Variants in TFRC observed in about 807,000 individuals in gnomAD.
TFRC encodes transferrin receptor, also known as transferrin receptor protein 1.
A neutral mutation model predicts 85.8 loss-of-function variants in TFRC; 35 were observed. The observed-to-expected ratio is 0.41, with a 90% CI of 0.31 to 0.54. The LOEUF is 0.54. TFRC is among the 20% of genes least tolerant of loss of function. The probability of loss-of-function intolerance (pLI) is 0.31; values close to 1 mark genes in which losing one functional copy is unlikely to be tolerated. For synonymous variants in TFRC, 362 were observed against 328.6 expected (o/e 1.10, Z -1.10); for missense variants, 828 against 921.5 (o/e 0.90, Z 1.31).
intron 1 of TFRC, among the ~76,000 whole-genome samples, chr3:196,080,754 T>C (rs3804139): frequency 0.48 from 73,214 of 151,116 alleles, 19,391 homozygotes; most frequent in Non-Finnish European, 0.61. Context: ...TGCTATGCTA[T>C]ATATAACCTT....
rs749862893 is a variant in TFRC, at chr3:196,064,298, T to C, written c.1318+11A>G. 6.2e-6 allele frequency: 10 copies of C among 1,603,930 alleles called. No homozygotes were observed. In the Admixed American group the frequency reaches 7.0e-5, roughly 11 times the overall value. On this transcript the variant is annotated intron_variant, in intron 11 of 18. Coordinates refer to ENST00000360110, the MANE Select transcript of TFRC (RefSeq NM_001128148.3). The stretch of plus-strand genomic sequence containing the variant: ...CACCAATATTCAAAAGAATCAAAAT[T>C]TGTACTCTACCTTTTAAGACCATAT...
At chr3:196,069,422 A>G (rs367614586) in intron 7 of TFRC, 33 bp downstream of exon 7, 19 of 1,249,134 alleles carry the variant, frequency 1.5e-5, no homozygotes, top group Non-Finnish European at 2.2e-5. Context: ...TACCAAAAGT[A>G]CTGTATTTAA....
intron 16 of TFRC, chr3:196,058,074 T>C (rs540615534): frequency 4.9e-6 from 2 of 407,492 alleles, no homozygotes; most frequent in African/African-American, 4.1e-5. Context: ...TCATCCTTGT[T>C]ATTGATCTTG....
At chr3:196,081,513 A>G (rs1397728193) in intron 1 of TFRC, among the ~76,000 whole-genome samples, 1 of 152,176 alleles carries the variant, frequency 6.6e-6, no homozygotes, top group Non-Finnish European at 1.5e-5. Flanking sequence ...TCACCCACGA[A>G]TCCCAGCCGT....
chr3:196,071,247 T>A, intron 6 of TFRC, 149 bp downstream of exon 6: 1 of 616,260 alleles, frequency 1.6e-6, no homozygotes, highest in Non-Finnish European at 2.9e-6. Flanking sequence ...AGACAATGCA[T>A]GTTGACTGTG....
Position 196,050,378 on chromosome 3 carries a change from A to G in TFRC, c.*1564T>C, listed in dbSNP as rs1716215335. ...ACCACAAAATGTTTCTGCAACTAAA[A>G]CTAAAAGATAGGGAATTATAGGAGT... On this transcript the variant is annotated 3_prime_UTR_variant, in exon 19 of 19. Transcript: ENST00000360110. The G allele has an allele frequency of 4.7e-6, 1 of 214,228 alleles. No individual in the cohort carries two copies. Among genetic ancestry groups the G allele is most frequent in the African/African-American group, 2.3e-5 (1 of 44,266 alleles). 13.3% of individuals were successfully genotyped at this position (214,228 alleles called of 1,614,324 possible). A position where few individuals can be genotyped will look rare whatever the true frequency, so the allele number is the denominator to read the frequency against.
intron 1 of TFRC, among the ~76,000 whole-genome samples, chr3:196,077,428 G>A (rs1718797972): frequency 6.6e-6 from 1 of 151,354 alleles, no homozygotes; most frequent in South Asian, 2.1e-4. Context: ...GCAATTATAA[G>A]TACGAACCAC....
intron 16 of TFRC, among the ~76,000 whole-genome samples, chr3:196,056,751 CTAATTAAGCTAATTGAGAT>C (rs1233025330): frequency 6.6e-6 from 1 of 152,148 alleles, no homozygotes; most frequent in African/African-American, 2.4e-5. Flanking sequence ...AACTCAAATG[CTAATTAAGCTAATTGAGAT>C]TAACAAGTCT....
At chr3:196,077,477 C>G (rs1051798436) in intron 1 of TFRC, among the ~76,000 whole-genome samples, 7 of 149,896 alleles carry the variant, frequency 4.7e-5, no homozygotes, top group African/African-American at 1.7e-4. Flanking sequence ...TACTGCTGGG[C>G]GGGGTGGCTC....
chr3:196,069,306 G>T, intron 7 of TFRC, 149 bp downstream of exon 7: 1 of 589,920 alleles, frequency 1.7e-6, no homozygotes, highest in East Asian at 3.1e-5. Context: ...TACTTCATTT[G>T]TTGAGCATTT....
In TFRC at chr3:196,067,656, G is replaced by A; in HGVS notation, c.902C>T (p.Ala301Val). ...GTAAGGGTCACCTGTCCCCAGATGA[G>A]CCTAGGAAAACAAAAGAGCAATTCA... is the stretch of plus-strand genomic sequence containing the variant. Reference protein sequence around the residue: ...VNAELSFFGHAHLGTGDPYTP... With the variant: ...VNAELSFFGHVHLGTGDPYTP... The change falls in exon 9 of 19, where the codon GCT becomes GTT. Residue 301 changes from alanine (A) to valine (V), a missense_variant and splice_region_variant. Ala to Val is a moderately conservative substitution (Grantham distance 64). Transcript: ENST00000360110. 1.2e-6 allele frequency: 2 copies of A among 1,612,154 alleles called. No individual in the cohort carries two copies. Among genetic ancestry groups the A allele is most frequent in the South Asian group, 2.2e-5 (2 of 90,686 alleles).
intron 10 of TFRC, among the ~76,000 whole-genome samples, chr3:196,065,125 G>A (rs1176717347): frequency 6.6e-6 from 1 of 152,072 alleles, no homozygotes; most frequent in Non-Finnish European, 1.5e-5. Context: ...AGCCAGGCGT[G>A]GTGGCGCATG....
chr3:196,055,326 T>G (rs1695658168), intron 16 of TFRC, 25 bp from the exon 17 acceptor site: 1 of 1,586,604 alleles, frequency 6.3e-7, no homozygotes, highest in Admixed American at 1.7e-5. Flanking sequence ...GAGGCTATGG[T>G]ACTCACGTGA....
chr3:196,064,124 C>T (rs953142647), intron 11 of TFRC, among the ~76,000 whole-genome samples, 185 bp downstream of exon 11: 2 of 152,162 alleles, frequency 1.3e-5, no homozygotes, highest in East Asian at 1.9e-4. Context: ...ACAGTTAAGA[C>T]ACTTTATGGA....
Position 196,072,048 on chromosome 3 carries a change from T to A in TFRC, c.539A>T (p.Lys180Ile), listed in dbSNP as rs1718255236. Residue 180 changes from lysine (K) to isoleucine (I), a missense_variant, in exon 5 of 19, where the codon AAA (lysine) becomes ATA (isoleucine). Transcript: ENST00000360110. ...AACAAAATGTTGATCACGCCAGACT[T>A]TGCTGAGTTTAAATTCACGAAATTG... ...ENQFREFKLS[K>I]VWRDQHFVKI... is the part of the protein sequence containing the mutation. The A allele has an allele frequency of 1.2e-6, 2 of 1,614,208 alleles. No individual in the cohort carries two copies. The highest frequency in any genetic ancestry group is 4.5e-5 in the East Asian group (2 of 44,878).
At chr3:196,075,587 AAG>A (rs1335857424) in intron 2 of TFRC, among the ~76,000 whole-genome samples, 1 of 150,660 alleles carries the variant, frequency 6.6e-6, no homozygotes, top group Non-Finnish European at 1.5e-5. Flanking sequence ...TTTTTGAGAC[AAG>A]GTCTCCCTCT....
chr3:196,053,613 T>C, intron 17 of TFRC, 55 bp from the exon 18 acceptor site: 2 of 1,598,476 alleles, frequency 1.3e-6, no homozygotes, highest in South Asian at 1.1e-5. Flanking sequence ...CATTCTTTTG[T>C]ATGCCTTTCT....
Position 196,055,036 on chromosome 3 carries a change from T to C in TFRC, c.1899+44A>G, listed in dbSNP as rs560213623. 2.6e-5 allele frequency: 41 copies of C among 1,574,598 alleles called. No individual in the cohort carries two copies. The South Asian group carries it at 4.3e-4, about 17-fold the overall frequency. The stretch of plus-strand genomic sequence containing the variant: ...AGGAACACATCACATTTCAAAATAC[T>C]TGACATTCAGCAAAATAAAAACGTA... On this transcript the variant is annotated intron_variant, in intron 17 of 18. Coordinates refer to ENST00000360110, the MANE Select transcript of TFRC (RefSeq NM_001128148.3).
At position 196,069,795 on chromosome 3, in the gene TFRC, T is replaced by C. The variant is rs750386737; in HGVS notation, c.688-227A>G. 4.8e-5 allele frequency: 19 copies of C among 393,490 alleles called. No individual in the cohort carries two copies. In the Admixed American group the frequency reaches 7.1e-4, roughly 15 times the overall value. 24.4% of individuals were successfully genotyped at this position (393,490 alleles called of 1,614,324 possible). A position where few individuals can be genotyped will look rare whatever the true frequency, so the allele number is the denominator to read the frequency against. Reference sequence around the variant, plus strand: ...TGGCCTCCTATGTCTTTCATGCTTTTATCCCATGCTGCCTTTCATCTGAAG... The same window carrying C: ...TGGCCTCCTATGTCTTTCATGCTTTCATCCCATGCTGCCTTTCATCTGAAG... On this transcript the variant is annotated intron_variant, in intron 6 of 18. Transcript: ENST00000360110.
Sources: allele counts gnomAD v4.1 joint callset (sites outside exome capture counted in the v4.1 genomes callset), GRCh38; gene constraint gnomAD v4.1.1; transcripts MANE v1.5; gene names NCBI Gene and HGNC (gene_info 2026-07-23, HGNC 2026-07-21).